Variants in ANK3 observed in about 807,000 individuals in gnomAD.
The protein encoded by ANK3 is ankyrin-3.
ANK3 carries 57 observed loss-of-function variants against 370.9 expected under a neutral mutation model. The observed-to-expected ratio is 0.15, with a 90% confidence interval of 0.12 to 0.19. ANK3 has a LOEUF of 0.19. Among genes scored for constraint, ANK3 ranks in the 10% least tolerant of loss-of-function variants. The pLI is 1.00. For missense variants in ANK3, 4,439 were observed against 5,302.1 expected, an observed-to-expected ratio of 0.84 and a Z score of 5.06; for synonymous variants, 1,929 against 1,946.3, an observed-to-expected ratio of 0.99 and a Z score of 0.23.
intron 2 of ANK3, among the ~76,000 whole-genome samples, chr10:60,520,069 C>T (rs2393641): frequency 0.21 from 31,815 of 151,916 alleles, 3,624 homozygotes; most frequent in South Asian, 0.35. Context: ...TCCATTTTAG[C>T]GGTACATATA....
chr10:60,577,354 T>C (rs1171653539), intron 2 of ANK3, among the ~76,000 whole-genome samples: 1 of 152,196 alleles, frequency 6.6e-6, no homozygotes, highest in African/African-American at 2.4e-5. Flanking sequence ...CGTATAATTG[T>C]ATTGATATGG....
chr10:60,093,675 T>C (rs1274551327), intron 28 of ANK3, among the ~76,000 whole-genome samples: 1 of 152,314 alleles, frequency 6.6e-6, no homozygotes, highest in South Asian at 2.1e-4. Flanking sequence ...CTTTGCGTGA[T>C]AGAGGCAGGC....
chr10:60,193,517 A>AT (rs60622256), intron 16 of ANK3, among the ~76,000 whole-genome samples: 105,065 of 151,746 alleles, frequency 0.69, 36,718 homozygotes, highest in African/African-American at 0.8. Flanking sequence ...TTAGCTGGGT[A>AT]GGTGGTACAT....
At chr10:60,397,957 C>T (rs1198589379) in intron 2 of ANK3, among the ~76,000 whole-genome samples, 2 of 152,078 alleles carry the variant, frequency 1.3e-5, no homozygotes, top group East Asian at 1.9e-4. Flanking sequence ...GTGAGGTATT[C>T]GTTGATTCAG....
At chr10:60,704,928 A>G (rs1447347251) in intron 1 of ANK3, among the ~76,000 whole-genome samples, 2 of 152,228 alleles carry the variant, frequency 1.3e-5, no homozygotes, top group East Asian at 3.8e-4. Context: ...GAATCAATAG[A>G]ATCTTCAGAG....
At chr10:60,160,870 A>C (rs927324952) in intron 23 of ANK3, among the ~76,000 whole-genome samples, 1 of 152,134 alleles carries the variant, frequency 6.6e-6, no homozygotes, top group African/African-American at 2.4e-5. Context: ...TCAAAAAAGT[A>C]GTATAGAATG....
intron 28 of ANK3, among the ~76,000 whole-genome samples, chr10:60,093,744 A>T (rs1421626015): frequency 6.6e-6 from 1 of 152,238 alleles, no homozygotes; most frequent in Non-Finnish European, 1.5e-5. Context: ...CACCCCAAAT[A>T]TAAAGTGAAC....
In ANK3 at chr10:60,083,481, A is replaced by G. The variant is rs780352079; in HGVS notation, c.4200+11T>C. 4 of 1,607,038 alleles carry G rather than the reference A, an allele frequency of 2.5e-6. No homozygotes were observed. The highest frequency in any genetic ancestry group is 1.7e-4 in the Middle Eastern group (1 of 6,000). The stretch of plus-strand genomic sequence containing the variant: ...CCATAATTCACAGATTCTCTGTTAA[A>G]GATGATTTACCTTGATGGAAAATGG... On this transcript the variant is annotated intron_variant, in intron 33 of 43. Transcript: ENST00000280772.
intron 1 of ANK3, among the ~76,000 whole-genome samples, chr10:60,346,588 G>T (rs897118372): frequency 6.6e-6 from 1 of 151,456 alleles, no homozygotes; most frequent in African/African-American, 2.4e-5. Context: ...ACAAAGAGAG[G>T]TTATCACACA....
intron 2 of ANK3, among the ~76,000 whole-genome samples, chr10:60,498,132 T>TC (rs1462249469): frequency 6.6e-6 from 1 of 152,160 alleles, no homozygotes; most frequent in African/African-American, 2.4e-5. Context: ...CAGACCTTTT[T>TC]CTCCTTTCTG....
intron 2 of ANK3, among the ~76,000 whole-genome samples, chr10:60,561,778 C>G (rs1056134666): frequency 3.3e-5 from 5 of 152,222 alleles, no homozygotes; most frequent in Admixed American, 3.3e-4. Flanking sequence ...AGTGTCTTCT[C>G]TCCAGAGTGG....
intron 43 of ANK3, among the ~76,000 whole-genome samples, chr10:60,037,452 C>T (rs903455992): frequency 6.6e-6 from 1 of 152,190 alleles, no homozygotes; most frequent in Admixed American, 6.5e-5. Context: ...TCTCCCCTCT[C>T]ACCCTCAAGT....
At chr10:60,159,218 A>G (rs1037045194) in intron 23 of ANK3, among the ~76,000 whole-genome samples, 17 of 128,616 alleles carry the variant, frequency 1.3e-4, no homozygotes, top group Non-Finnish European at 1.8e-4. Context: ...AAAGACACAT[A>G]CAGGCTAAAA....
At position 60,069,432 on chromosome 10, in the gene ANK3, T is replaced by C. The variant is rs750047206; in HGVS notation, c.11449A>G (p.Thr3817Ala). 1 of 1,614,176 alleles carries C rather than the reference T, an allele frequency of 6.2e-7. No individual in the cohort carries two copies. The highest frequency in any genetic ancestry group is 8.5e-7 in the Non-Finnish European group (1 of 1,180,022). ...TTCACTGGGTTATCTTTCTCTGTGG[T>C]ACAAGTGGGTGCAGAATGTTCTGTC... ...VLTEHSAPTC[T>A]TEKDNPVKVS... is the part of the protein sequence containing the mutation. Residue 3817 changes from threonine (T) to alanine (A), a missense_variant, in exon 37 of 44, where the codon ACC becomes GCC. By Grantham distance (58) the Thr-to-Ala change is moderately conservative (BLOSUM62 0). This residue lies in a region of ANK3 where 496 missense variants were observed against 529.3 expected (regional missense o/e 0.94). Coordinates refer to ENST00000280772, the MANE Select transcript of ANK3 (RefSeq NM_020987.5).
At chr10:60,080,364 C>A in intron 36 of ANK3, 173 bp downstream of exon 36, 19 of 551,728 alleles carry the variant, frequency 3.4e-5, no homozygotes, top group Non-Finnish European at 4.1e-5. Flanking sequence ...GGCGTTTTTA[C>A]CTCACATCTT....
chr10:60,634,451 G>A (rs1056396281), intron 1 of ANK3, among the ~76,000 whole-genome samples: 1 of 152,114 alleles, frequency 6.6e-6, no homozygotes, highest in Admixed American at 6.6e-5. Context: ...CTAGCTAAAG[G>A]ATTGTAAACG....
At chr10:60,266,597 T>A (rs534312810) in intron 5 of ANK3, among the ~76,000 whole-genome samples, 1 of 152,220 alleles carries the variant, frequency 6.6e-6, no homozygotes, top group Admixed American at 6.5e-5. Context: ...GACCTATACA[T>A]AAAGGAAACT....
chr10:60,036,422 A>ATTTTTT (rs563946588), intron 43 of ANK3, among the ~76,000 whole-genome samples: 3,742 of 72,056 alleles, frequency 0.052, 739 homozygotes, highest in Non-Finnish European at 0.064. Flanking sequence ...GTCAGAGGCA[A>ATTTTTT]TTTTTTTTTT....
At chr10:60,687,843 A>G (rs894886136) in intron 1 of ANK3, among the ~76,000 whole-genome samples, 4 of 152,208 alleles carry the variant, frequency 2.6e-5, no homozygotes, top group African/African-American at 7.2e-5. Flanking sequence ...AATAAAGACA[A>G]TGTGGTATAT....
Sources: gnomAD v4.1 joint callset for allele counts (sites outside exome capture counted in the v4.1 genomes callset) on GRCh38, gnomAD v4.1.1 for gene constraint, gnomAD v4.1.1 regional missense constraint, MANE v1.5 for transcripts, NCBI Gene and HGNC (gene_info 2026-07-23, HGNC 2026-07-21) for gene names.